The following GPC6 variants were observed in gnomAD, a reference collection of about 807,000 sequenced individuals.
GPC6 encodes the protein glypican-6.
A neutral mutation model predicts 55.2 loss-of-function variants in GPC6; 14 were observed. That is an observed-to-expected ratio of 0.25 (90% CI 0.17 to 0.40). GPC6 has a LOEUF of 0.40. GPC6 is among the 10% of genes least tolerant of loss of function. The probability of loss-of-function intolerance (pLI) is 1.00; values close to 1 mark genes in which losing one functional copy is unlikely to be tolerated. For missense variants in GPC6, 641 were observed against 708.5 expected (o/e 0.90, Z 1.08); for synonymous variants, 278 against 259.6 (o/e 1.07, Z -0.68).
At chr13:93,711,618 T>C (rs1029119115) in intron 2 of GPC6, among the ~76,000 whole-genome samples, 7 of 151,836 alleles carry the variant, frequency 4.6e-5, no homozygotes, top group African/African-American at 1.7e-4. Flanking sequence ...CTCCAGTTGT[T>C]CTGTATTGGA....
chr13:94,096,457 T>G (rs1244387578), intron 4 of GPC6, among the ~76,000 whole-genome samples: 1 of 152,158 alleles, frequency 6.6e-6, no homozygotes, highest in Non-Finnish European at 1.5e-5. Context: ...ACCAATATAT[T>G]TGAGAGGCTC....
intron 4 of GPC6, among the ~76,000 whole-genome samples, chr13:94,176,260 G>A (rs1349033386): frequency 4.6e-5 from 7 of 151,976 alleles, no homozygotes; most frequent in African/African-American, 1.7e-4. Flanking sequence ...AAACATCTCA[G>A]AAGTCCAGGA....
At chr13:94,139,527 T>C (rs542986799) in intron 4 of GPC6, among the ~76,000 whole-genome samples, 20 of 152,296 alleles carry the variant, frequency 1.3e-4, no homozygotes, top group African/African-American at 4.6e-4. Context: ...AAGTATCTTG[T>C]AGATCTAGCG....
At chr13:94,176,474 A>T (rs1402400666) in intron 4 of GPC6, among the ~76,000 whole-genome samples, 1 of 152,194 alleles carries the variant, frequency 6.6e-6, no homozygotes, top group Non-Finnish European at 1.5e-5. Context: ...AGCCTTTCCT[A>T]ACTCATTCAC....
At chr13:93,295,358 T>C (rs1364120884) in intron 1 of GPC6, among the ~76,000 whole-genome samples, 1 of 143,474 alleles carries the variant, frequency 7.0e-6, no homozygotes, top group Non-Finnish European at 1.5e-5. Flanking sequence ...TCCTATAGAC[T>C]AGGTGGCTTA....
intron 4 of GPC6, among the ~76,000 whole-genome samples, chr13:94,234,755 T>C (rs1200960122): frequency 2.6e-5 from 4 of 152,068 alleles, no homozygotes; most frequent in African/African-American, 9.7e-5. Context: ...CCAGACGCAA[T>C]AGAAATAAGG....
At chr13:94,057,459 A>T (rs1884169814) in intron 4 of GPC6, among the ~76,000 whole-genome samples, 1 of 152,206 alleles carries the variant, frequency 6.6e-6, no homozygotes, top group Non-Finnish European at 1.5e-5. Context: ...GCTAACTAGG[A>T]TTATGTTTTC....
At chr13:93,216,822 T>G in the GPC6 span, among the ~76,000 whole-genome samples, 1 of 152,182 alleles carries the variant, frequency 6.6e-6, no homozygotes, top group African/African-American at 2.4e-5. Flanking sequence ...TTTCTCCTAC[T>G]GAGTAGAAGA....
At chr13:94,382,591 C>T (rs1281407762) in intron 7 of GPC6, 41 bp downstream of exon 7, 4 of 1,612,796 alleles carry the variant, frequency 2.5e-6, no homozygotes, top group Admixed American at 1.7e-5. Flanking sequence ...GGGCACAGCA[C>T]ACCCAGCCTT....
intron 2 of GPC6, among the ~76,000 whole-genome samples, chr13:93,660,522 A>C (rs914285872): frequency 6.6e-6 from 1 of 152,208 alleles, no homozygotes; most frequent in South Asian, 2.1e-4. Context: ...TAGTTTTTTA[A>C]AAAAATCATG....
intron 2 of GPC6, among the ~76,000 whole-genome samples, chr13:93,632,764 A>C (rs1446725418): frequency 1.3e-5 from 2 of 151,716 alleles, no homozygotes; most frequent in Admixed American, 1.3e-4. Flanking sequence ...ATATGTCTTT[A>C]CCTCCCTCAC....
At chr13:93,704,513 T>A (rs1264729492) in intron 2 of GPC6, among the ~76,000 whole-genome samples, 1 of 151,440 alleles carries the variant, frequency 6.6e-6, no homozygotes, top group Non-Finnish European at 1.5e-5. Flanking sequence ...TTTAATATTA[T>A]TAATTTTCTT....
intron 2 of GPC6, among the ~76,000 whole-genome samples, chr13:93,676,146 TATATATATATATATATATATATACATAC>T (rs1881611192): frequency 7.6e-4 from 10 of 13,200 alleles, no homozygotes; most frequent in Admixed American, 5.5e-3. Flanking sequence ...TATATATATA[TATATATATATATATATATATATACATAC>T]ACACACACAC....
At chr13:94,004,891 G>A (rs781211205) in intron 3 of GPC6, among the ~76,000 whole-genome samples, 60 of 152,028 alleles carry the variant, frequency 3.9e-4, no homozygotes, top group Non-Finnish European at 6.9e-4. Flanking sequence ...GTGAAACACC[G>A]TCTCCACTAA....
At chr13:93,441,968 A>C (rs71429524) in intron 1 of GPC6, among the ~76,000 whole-genome samples, 157 of 152,318 alleles carry the variant, frequency 1.0e-3, no homozygotes, top group Admixed American at 1.6e-3. Flanking sequence ...CAGGACAGCT[A>C]GCTGGGGACA....
chr13:93,623,853 C>T (rs1054188872), intron 2 of GPC6, among the ~76,000 whole-genome samples: 2 of 152,056 alleles, frequency 1.3e-5, no homozygotes, highest in Non-Finnish European at 2.9e-5. Context: ...TGATGTTCAG[C>T]ATTTTTTCAT....
chr13:93,600,133 A>C (rs1566443992), intron 2 of GPC6, among the ~76,000 whole-genome samples: 1 of 152,324 alleles, frequency 6.6e-6, no homozygotes, highest in African/African-American at 2.4e-5. Context: ...CTACTATGTA[A>C]CTTATAACAA....
chr13:93,626,801 CAAA>C (rs57272841), intron 2 of GPC6, among the ~76,000 whole-genome samples: 3 of 67,480 alleles, frequency 4.4e-5, no homozygotes, highest in Admixed American at 3.4e-4. Context: ...GACTGCATCT[CAAA>C]AAAAAAAAAA....
intron 2 of GPC6, among the ~76,000 whole-genome samples, chr13:93,586,193 A>G (rs1479525619): frequency 6.6e-6 from 1 of 152,096 alleles, no homozygotes; most frequent in East Asian, 1.9e-4. Context: ...GCTCCCACTT[A>G]TAAGAGAGAA....
Sources: allele counts gnomAD v4.1 joint callset (sites outside exome capture counted in the v4.1 genomes callset), GRCh38; gene constraint gnomAD v4.1.1; transcripts MANE v1.5; gene names NCBI Gene and HGNC (gene_info 2026-07-23, HGNC 2026-07-21).